Variants in CDK6 observed in about 807,000 individuals in gnomAD.
CDK6 encodes the protein cyclin-dependent kinase 6.
CDK6 carries 6 observed loss-of-function variants against 37.1 expected under a neutral mutation model. The ratio of observed to expected loss-of-function variants is 0.16; its 90% CI spans 0.09 to 0.32. CDK6 has a LOEUF of 0.32. CDK6 is among the 10% of genes least tolerant of loss of function. CDK6 has a pLI of 1.00. For synonymous variants in CDK6, 160 were observed against 161.3 expected (o/e 0.99, Z 0.06); for missense variants, 224 against 418.9 (o/e 0.53, Z 4.06).
At chr7:92,822,285 G>C (rs1043451331) in intron 2 of CDK6, among the ~76,000 whole-genome samples, 1 of 151,918 alleles carries the variant, frequency 6.6e-6, no homozygotes, top group Admixed American at 6.5e-5. Flanking sequence ...GCTTAGAAAG[G>C]GTATATCTCA....
chr7:92,656,880 C>A (rs1585374246), intron 5 of CDK6, among the ~76,000 whole-genome samples: 1 of 152,192 alleles, frequency 6.6e-6, no homozygotes, highest in East Asian at 1.9e-4. Context: ...AGGATAGGAG[C>A]ATTCTTATCT....
intron 4 of CDK6, among the ~76,000 whole-genome samples, chr7:92,694,224 G>C (rs1264708901): frequency 6.6e-6 from 1 of 152,054 alleles, no homozygotes; most frequent in East Asian, 1.9e-4. Context: ...AATAACCTTT[G>C]TATATTTATT....
chr7:92,673,515 C>T (rs1333265220), intron 4 of CDK6, among the ~76,000 whole-genome samples: 3 of 152,128 alleles, frequency 2.0e-5, no homozygotes, highest in Non-Finnish European at 4.4e-5. Context: ...ACTCAAGTTA[C>T]CATTTGGCCC....
intron 2 of CDK6, among the ~76,000 whole-genome samples, chr7:92,819,289 A>C (rs982245220): frequency 1.3e-5 from 2 of 152,126 alleles, no homozygotes; most frequent in Non-Finnish European, 2.9e-5. Context: ...GCCAGATATA[A>C]TAGAACATAA....
intron 3 of CDK6, among the ~76,000 whole-genome samples, chr7:92,752,498 C>T (rs543960144): frequency 4.6e-5 from 7 of 152,056 alleles, no homozygotes; most frequent in South Asian, 2.1e-4. Context: ...AACTTTGGGA[C>T]CTAAAATGAG....
chr7:92,617,387 G>C (rs1352786408), intron 7 of CDK6, among the ~76,000 whole-genome samples: 1 of 152,194 alleles, frequency 6.6e-6, no homozygotes, highest in Non-Finnish European at 1.5e-5. Flanking sequence ...CTTCACCCAC[G>C]GGCAGAAGCA....
intron 2 of CDK6, among the ~76,000 whole-genome samples, chr7:92,797,068 C>A (rs183546126): frequency 6.6e-6 from 1 of 152,098 alleles, no homozygotes; most frequent in Non-Finnish European, 1.5e-5. Flanking sequence ...GGTACTTTTA[C>A]AAAAAGTATG....
chr7:92,734,303 C>T (rs1425481552), intron 3 of CDK6, among the ~76,000 whole-genome samples: 1 of 152,162 alleles, frequency 6.6e-6, no homozygotes, highest in Non-Finnish European at 1.5e-5. Context: ...TAGCCTTTCC[C>T]CACTGATCTC....
chr7:92,806,444 T>C (rs1171217365), intron 2 of CDK6, among the ~76,000 whole-genome samples: 1 of 152,218 alleles, frequency 6.6e-6, no homozygotes, highest in Non-Finnish European at 1.5e-5. Flanking sequence ...TTTATTAGCA[T>C]CTTTATAAAA....
intron 2 of CDK6, among the ~76,000 whole-genome samples, chr7:92,814,483 A>T (rs1020438761): frequency 6.7e-6 from 1 of 150,250 alleles, no homozygotes; most frequent in African/African-American, 2.5e-5. Flanking sequence ...CATAACAAAA[A>T]CTTCCCGCAG....
At chr7:92,667,321 C>T (rs557105681) in intron 5 of CDK6, among the ~76,000 whole-genome samples, 95 of 152,056 alleles carry the variant, frequency 6.2e-4, no homozygotes, top group African/African-American at 2.1e-3. Context: ...CTTCAGCCTC[C>T]GGAGTAGCTA....
At chr7:92,644,842 G>A (rs912888833) in intron 5 of CDK6, among the ~76,000 whole-genome samples, 1 of 152,146 alleles carries the variant, frequency 6.6e-6, no homozygotes, top group African/African-American at 2.4e-5. Flanking sequence ...ACAACTGACC[G>A]AAGCTGTCAC....
In CDK6 at chr7:92,624,078, A is replaced by G. The variant is rs1224264998; in HGVS notation, c.648-992T>C. On this transcript the variant is annotated intron_variant, in intron 5 of 7. Transcript: ENST00000424848. ...ATAAATGAACTCACTATATATGGCCATATATGGAGAATCCTGCAGTCATAG... is the reference window on the plus strand; with the variant it reads ...ATAAATGAACTCACTATATATGGCCGTATATGGAGAATCCTGCAGTCATAG... Among the ~76,000 whole-genome samples, 3 of 152,158 alleles carry G rather than the reference A, an allele frequency of 2.0e-5. No individual in the cohort carries two copies. In the East Asian group the frequency reaches 5.8e-4, roughly 29 times the overall value.
chr7:92,714,702 T>C (rs777418138), intron 4 of CDK6, among the ~76,000 whole-genome samples: 8 of 152,236 alleles, frequency 5.3e-5, no homozygotes, highest in African/African-American at 9.6e-5. Context: ...GACATTCTCA[T>C]GAATATATGT....
intron 3 of CDK6, among the ~76,000 whole-genome samples, chr7:92,763,155 C>T (rs1799499681): frequency 6.6e-6 from 1 of 152,156 alleles, no homozygotes; most frequent in Non-Finnish European, 1.5e-5. Context: ...AAACTGCTAG[C>T]TTAAATTTGC....
At chr7:92,830,157 A>T (rs1305805808) in intron 2 of CDK6, among the ~76,000 whole-genome samples, 1 of 152,188 alleles carries the variant, frequency 6.6e-6, no homozygotes, top group Non-Finnish European at 1.5e-5. Context: ...TACCAAATGT[A>T]AAAAAAGAGT....
In CDK6 at chr7:92,772,276, T is replaced by G. The variant is rs367647981; in HGVS notation, c.369+2420A>C. Reference sequence around the variant, plus strand: ...TTTAAGTTAGCAAAAAATGTTTGATTAACCACTAACATGTAAGTTAACTGC... The same window carrying G: ...TTTAAGTTAGCAAAAAATGTTTGATGAACCACTAACATGTAAGTTAACTGC... On this transcript the variant is annotated intron_variant, in intron 3 of 7. Coordinates refer to ENST00000424848, the MANE Select transcript of CDK6 (RefSeq NM_001145306.2). Among the ~76,000 whole-genome samples the G allele has an allele frequency of 2.0e-3, 305 of 152,268 alleles. 1 individual carries two copies. Among genetic ancestry groups the G allele is most frequent in the African/African-American group, 7.0e-3 (292 of 41,566 alleles).
rs146621489 is a variant in CDK6 at position 92,688,507 on chromosome 7, G to A, written c.538-16972C>T. Among the ~76,000 whole-genome samples the A allele has an allele frequency of 4.0e-5, 6 of 150,428 alleles. No individual in the cohort carries two copies. In the East Asian group the frequency reaches 1.2e-3, roughly 30 times the overall value. ...TTTTTCTGACTTTTGTCCCTTCTAT[G>A]TCGGACTTAGCAAACTCCCAACTCT... On this transcript the variant is annotated intron_variant, in intron 4 of 7. Coordinates refer to ENST00000424848, the MANE Select transcript of CDK6 (RefSeq NM_001145306.2).
chr7:92,749,421 A>C (rs896673092), intron 3 of CDK6, among the ~76,000 whole-genome samples: 1 of 152,136 alleles, frequency 6.6e-6, no homozygotes, highest in African/African-American at 2.4e-5. Context: ...CTATGATCTC[A>C]CCATTGCATT....
Sources: allele counts gnomAD v4.1 joint callset (sites outside exome capture counted in the v4.1 genomes callset), GRCh38; gene constraint gnomAD v4.1.1; transcripts MANE v1.5; gene names NCBI Gene and HGNC (gene_info 2026-07-23, HGNC 2026-07-21).